Variants in FGF12 observed in about 807,000 individuals in gnomAD.
FGF12 encodes fibroblast growth factor 12.
Under a neutral mutation model 23.6 loss-of-function variants are expected in FGF12, and 14 were observed. The observed-to-expected ratio is 0.59, with a 90% CI of 0.39 to 0.93. FGF12 has a LOEUF of 0.93. Among genes scored for constraint, FGF12 ranks in the 40% least tolerant of loss-of-function variants. The pLI is 0.00. For missense variants in FGF12, 175 were observed against 217.8 expected (o/e 0.80, Z 1.24); for synonymous variants, 62 against 77.3 (o/e 0.80, Z 1.04).
chr3:192,445,776 C>A (rs1722336073), intron 2 of FGF12, among the ~76,000 whole-genome samples: 1 of 152,144 alleles, frequency 6.6e-6, no homozygotes, highest in Admixed American at 6.5e-5. Context: ...ATTAGCCAAG[C>A]AAAAAGATTG....
intron 2 of FGF12, among the ~76,000 whole-genome samples, chr3:192,435,494 G>C: frequency 6.6e-6 from 1 of 152,216 alleles, no homozygotes; most frequent in East Asian, 1.9e-4. Flanking sequence ...TGCAAGTTTC[G>C]GGAAGTTGGC....
At chr3:192,405,767 A>G (rs6772355) in intron 2 of FGF12, among the ~76,000 whole-genome samples, 20 of 152,254 alleles carry the variant, frequency 1.3e-4, no homozygotes, top group African/African-American at 4.8e-4. Flanking sequence ...GACTTATTCC[A>G]TGCTATGTGA....
At chr3:192,535,965 T>G (rs1367834310) in intron 2 of FGF12, among the ~76,000 whole-genome samples, 7 of 152,208 alleles carry the variant, frequency 4.6e-5, no homozygotes, top group African/African-American at 1.7e-4. Context: ...CACCCACAAA[T>G]GCTGTCATAA....
At chr3:192,630,549 A>T (rs960160332) in intron 2 of FGF12, among the ~76,000 whole-genome samples, 1 of 106,482 alleles carries the variant, frequency 9.4e-6, no homozygotes, top group African/African-American at 3.9e-5. Context: ...CTATAAAAAA[A>T]TTCAATTTTT....
At chr3:192,507,042 C>T (rs536244981) in intron 2 of FGF12, among the ~76,000 whole-genome samples, 12 of 152,070 alleles carry the variant, frequency 7.9e-5, no homozygotes, top group Admixed American at 3.9e-4. Context: ...CAGGCGCCTG[C>T]CACCACGCCC....
chr3:192,718,999 A>AG (rs921119827), intron 2 of FGF12, among the ~76,000 whole-genome samples: 10 of 152,238 alleles, frequency 6.6e-5, no homozygotes, highest in East Asian at 1.9e-4. Context: ...AAAAAAAAAA[A>AG]AGAGAGAGAG....
chr3:192,261,360 C>T (rs1287420507), intron 4 of FGF12, among the ~76,000 whole-genome samples: 1 of 152,146 alleles, frequency 6.6e-6, no homozygotes, highest in African/African-American at 2.4e-5. Flanking sequence ...CCTGGTAGAG[C>T]TAACACAGCA....
At chr3:192,638,508 C>G (rs1173309250) in intron 2 of FGF12, among the ~76,000 whole-genome samples, 1 of 152,218 alleles carries the variant, frequency 6.6e-6, no homozygotes, top group South Asian at 2.1e-4. Context: ...GCTTCATGCA[C>G]TCTGCAAACA....
At chr3:192,227,595 A>G (rs538784024) in intron 4 of FGF12, among the ~76,000 whole-genome samples, 5 of 151,502 alleles carry the variant, frequency 3.3e-5, no homozygotes, top group Admixed American at 1.3e-4. Flanking sequence ...AAAAAAAAAA[A>G]AAAGAAAAAA....
At chr3:192,417,427 G>A (rs887837499) in intron 2 of FGF12, among the ~76,000 whole-genome samples, 3 of 151,414 alleles carry the variant, frequency 2.0e-5, no homozygotes, top group African/African-American at 7.3e-5. Context: ...GTAAGAATCT[G>A]ACTTAGAATT....
At chr3:192,324,570 T>C (rs1343151079) in intron 4 of FGF12, among the ~76,000 whole-genome samples, 1 of 152,224 alleles carries the variant, frequency 6.6e-6, no homozygotes, top group Non-Finnish European at 1.5e-5. Context: ...TACCCCTGTT[T>C]TACACATAAG....
chr3:192,448,369 T>C (rs1349458775), intron 2 of FGF12, among the ~76,000 whole-genome samples: 1 of 152,238 alleles, frequency 6.6e-6, no homozygotes, highest in African/African-American at 2.4e-5. Flanking sequence ...CAACCAACTC[T>C]AAATCAATTT....
intron 2 of FGF12, among the ~76,000 whole-genome samples, chr3:192,608,646 G>T (rs951854295): frequency 6.6e-6 from 1 of 152,086 alleles, no homozygotes; most frequent in Non-Finnish European, 1.5e-5. Flanking sequence ...AGAAAAAGCT[G>T]CAAACTCCTT....
chr3:192,321,847 C>A (rs1284533337), intron 4 of FGF12, among the ~76,000 whole-genome samples: 1 of 151,876 alleles, frequency 6.6e-6, no homozygotes, highest in Non-Finnish European at 1.5e-5. Flanking sequence ...CATCGCAGAC[C>A]CACAGCTGGT....
At chr3:192,476,534 TGTA>T (rs1723331834) in intron 2 of FGF12, among the ~76,000 whole-genome samples, 2 of 152,362 alleles carry the variant, frequency 1.3e-5, no homozygotes, top group Admixed American at 1.3e-4. Context: ...CACAGCCATC[TGTA>T]ATATGCCCCC....
chr3:192,517,862 A>C (rs1364067943), intron 2 of FGF12, among the ~76,000 whole-genome samples: 1 of 152,136 alleles, frequency 6.6e-6, no homozygotes, highest in Non-Finnish European at 1.5e-5. Flanking sequence ...TGTGATTGTC[A>C]CCCACTTCCA....
intron 2 of FGF12, among the ~76,000 whole-genome samples, chr3:192,370,674 T>G (rs1719187969): frequency 6.6e-6 from 1 of 152,206 alleles, no homozygotes; most frequent in Non-Finnish European, 1.5e-5. Flanking sequence ...ATGAGGGTAG[T>G]ATTTTACAAA....
chr3:192,522,934 C>A (rs190126845), intron 2 of FGF12, among the ~76,000 whole-genome samples: 1 of 152,210 alleles, frequency 6.6e-6, no homozygotes, highest in African/African-American at 2.4e-5. Flanking sequence ...CATCAGTTGT[C>A]GTCTGAGGGA....
chr3:192,408,550 C>A lies in FGF12; in HGVS notation c.14-48012G>T, dbSNP rs982536126. ...CCCAAGGCGATCGGCGTCCAAGGGG[C>A]AGTGGGGAGTTTAGTCACACTGCGT... On this transcript the variant is annotated intron_variant, in intron 2 of 5. Transcript: ENST00000445105. This position sits in a 1 kb window ranked among gnomAD's most constrained non-coding sequence, Gnocchi z 7.3. The A allele has an allele frequency of 1.1e-5, 13 of 1,157,712 alleles. No individual in the cohort carries two copies. Among genetic ancestry groups the A allele is most frequent in the Non-Finnish European group, 1.3e-5 (12 of 938,156 alleles). The allele number at this position is 1,157,712 out of a possible 1,614,324, so 71.7% of individuals were successfully genotyped here. A position where few individuals can be genotyped will look rare whatever the true frequency, so the allele number is the denominator to read the frequency against.
Sources: allele counts gnomAD v4.1 joint callset (sites outside exome capture counted in the v4.1 genomes callset), GRCh38; gene constraint gnomAD v4.1.1; non-coding constraint Gnocchi (gnomAD v3.1); transcripts MANE v1.5; gene names NCBI Gene and HGNC (gene_info 2026-07-23, HGNC 2026-07-21).